FLNB: variants seen among roughly 807,000 people sequenced by gnomAD.
FLNB encodes filamin-B.
Under a neutral mutation model 250.6 loss-of-function variants are expected in FLNB, and 111 were observed. The ratio of observed to expected loss-of-function variants is 0.44; its 90% CI spans 0.38 to 0.52. The LOEUF is 0.52. Among genes scored for constraint, FLNB ranks in the 20% least tolerant of loss-of-function variants. The pLI is 0.00. For synonymous variants in FLNB, 1,302 were observed against 1,372.1 expected (o/e 0.95, Z 1.13); for missense variants, 2,869 against 3,447.8 (o/e 0.83, Z 4.20).
chr3:58,082,784 A>G (rs2097211077), intron 4 of FLNB, among the ~76,000 whole-genome samples: 2 of 152,102 alleles, frequency 1.3e-5, no homozygotes, highest in South Asian at 2.1e-4. Context: ...CAAAAAAAAA[A>G]AACGAGAAAG....
intron 1 of FLNB, among the ~76,000 whole-genome samples, chr3:58,064,191 A>C (rs1245915319): frequency 6.6e-6 from 1 of 152,200 alleles, no homozygotes; most frequent in African/African-American, 2.4e-5. Flanking sequence ...CCTAGGCTGG[A>C]GTGCAGTGGT....
intron 42 of FLNB, chr3:58,162,660 C>A (rs950449403): frequency 9.5e-5 from 17 of 179,258 alleles, no homozygotes; most frequent in African/African-American, 4.0e-4. Context: ...AACTGAACTC[C>A]CCAATGGGTG....
At chr3:58,168,288 G>T in intron 43 of FLNB, 152 bp from the exon 44 acceptor site, 1 of 711,368 alleles carries the variant, frequency 1.4e-6, no homozygotes, top group South Asian at 1.5e-5. Context: ...GGTTCTCTCT[G>T]CCAGAAGTTC....
rs200618652 is a variant in FLNB at position 58,134,698 on chromosome 3, C to T, written c.4597C>T (p.Pro1533Ser). Reference sequence around the variant, plus strand: ...CCCCGGCCTTAGTTCCTATGGTGTGCCTGCCAGTCTACCTGTGGACTTTGC... The same window carrying T: ...CCCCGGCCTTAGTTCCTATGGTGTGTCTGCCAGTCTACCTGTGGACTTTGC... ...SGPGLSSYGVPASLPVDFAID... is the reference protein window; with the variant it reads ...SGPGLSSYGVSASLPVDFAID... The change falls in exon 27 of 46, where the codon CCT becomes TCT. Residue 1533 changes from proline to serine, a missense_variant. By Grantham distance (74) the Pro-to-Ser change is moderately conservative. Transcript: ENST00000295956. The T allele has an allele frequency of 7.4e-6, 12 of 1,614,084 alleles. No homozygotes were observed. Among genetic ancestry groups the T allele is most frequent in the Non-Finnish European group, 6.8e-6 (8 of 1,179,944 alleles).
chr3:58,133,437 GAAAAAAAAAAAA>G (rs55916881), intron 26 of FLNB, among the ~76,000 whole-genome samples: 35 of 67,616 alleles, frequency 5.2e-4, no homozygotes, highest in Non-Finnish European at 1.1e-3. Context: ...GACATCTCTG[GAAAAAAAAAAAA>G]AAAAAAAAAA....
intron 1 of FLNB, among the ~76,000 whole-genome samples, chr3:58,056,111 T>TA (rs1181191992): frequency 5.6e-4 from 74 of 132,840 alleles, no homozygotes; most frequent in African/African-American, 2.3e-3. Context: ...ATTTATTTTT[T>TA]TTTTTTTTGA....
chr3:58,037,391 T>C (rs1324680772), intron 1 of FLNB, among the ~76,000 whole-genome samples: 1 of 152,240 alleles, frequency 6.6e-6, no homozygotes, highest in African/African-American at 2.4e-5. Flanking sequence ...TAGCCTGCAA[T>C]GCAAGTTGTC....
intron 1 of FLNB, among the ~76,000 whole-genome samples, chr3:58,023,373 G>A (rs893058783): frequency 2.0e-5 from 3 of 152,080 alleles, no homozygotes; most frequent in African/African-American, 7.2e-5. Context: ...GTGAGCCCCT[G>A]TGCCCAGCCT....
At chr3:58,107,824 C>T (rs2097262092) in intron 12 of FLNB, among the ~76,000 whole-genome samples, 1 of 152,222 alleles carries the variant, frequency 6.6e-6, no homozygotes. Flanking sequence ...GGGCTGGTAG[C>T]TACCCCGTTT....
Position 58,124,487 on chromosome 3 carries a change from T to A in FLNB, c.3880T>A (p.Tyr1294Asn), listed in dbSNP as rs1484680788. The A allele has an allele frequency of 1.9e-6, 3 of 1,614,228 alleles. No homozygotes were observed. Among genetic ancestry groups the A allele is most frequent in the South Asian group, 1.1e-5 (1 of 91,086 alleles). ...DNADGTYQVEYTPFEKGLHVV... is the reference protein window; with the variant it reads ...DNADGTYQVENTPFEKGLHVV... ...TGCGGATGGGACCTACCAGGTGGAA[T>A]ACACACCCTTTGAGAAAGGTGAGCC... The change falls in exon 22 of 46, where the codon TAC (tyrosine) becomes AAC (asparagine). Residue 1294 changes from tyrosine (Y) to asparagine (N), a missense_variant. By Grantham distance (143) the Tyr-to-Asn change is moderately radical. This residue lies in a region of FLNB where 1,348 missense variants were observed against 1,466.7 expected (regional missense o/e 0.92). Coordinates refer to ENST00000295956, the MANE Select transcript of FLNB (RefSeq NM_001457.4).
intron 4 of FLNB, among the ~76,000 whole-genome samples, chr3:58,083,367 CTTTTTTTTTTTTT>C (rs71091341): frequency 2.2e-5 from 2 of 91,488 alleles, no homozygotes; most frequent in African/African-American, 8.5e-5. Flanking sequence ...TCAGCTTAGT[CTTTTTTTTTTTTT>C]TTTTTTTTGA....
intron 40 of FLNB, among the ~76,000 whole-genome samples, 167 bp downstream of exon 40, chr3:58,155,095 T>TG (rs956625081): frequency 4.1e-4 from 62 of 152,346 alleles, no homozygotes; most frequent in African/African-American, 1.5e-3. Flanking sequence ...CCAGACCTCT[T>TG]AAGGGTGGGA....
At chr3:58,023,326 A>G (rs2106722788) in intron 1 of FLNB, among the ~76,000 whole-genome samples, 1 of 152,010 alleles carries the variant, frequency 6.6e-6, no homozygotes, top group Middle Eastern at 3.4e-3. Context: ...CAAGTGATCC[A>G]CCTACCTGGC....
intron 43 of FLNB, among the ~76,000 whole-genome samples, chr3:58,167,397 T>C (rs556641932): frequency 3.9e-5 from 6 of 152,340 alleles, no homozygotes; most frequent in Non-Finnish European, 5.9e-5. Context: ...AGCTCTTTTG[T>C]TTTTATTGAT....
At chr3:58,096,635 A>C (rs2097239197) in intron 6 of FLNB, among the ~76,000 whole-genome samples, 2 of 152,080 alleles carry the variant, frequency 1.3e-5, no homozygotes, top group South Asian at 4.1e-4. Context: ...CAGCCTCCCA[A>C]GTAGGTGGGA....
intron 1 of FLNB, among the ~76,000 whole-genome samples, chr3:58,060,662 AATT>A (rs2106879485): frequency 6.6e-6 from 1 of 150,476 alleles, no homozygotes; most frequent in East Asian, 2.0e-4. Flanking sequence ...TGACCCAAAA[AATT>A]AGCTGGGCGT....
At chr3:58,115,010 C>T (rs554901077) in intron 18 of FLNB, among the ~76,000 whole-genome samples, 8 of 152,204 alleles carry the variant, frequency 5.3e-5, no homozygotes, top group South Asian at 4.2e-4. Flanking sequence ...CTTTTCACGC[C>T]GTTAACAGTT....
At chr3:58,026,131 C>G (rs1376431025) in intron 1 of FLNB, among the ~76,000 whole-genome samples, 1 of 152,228 alleles carries the variant, frequency 6.6e-6, no homozygotes, top group Non-Finnish European at 1.5e-5. Flanking sequence ...ACGTTAATGC[C>G]ATGGGCTACC....
chr3:58,149,381 G>A lies in FLNB; in HGVS notation c.6092-469G>A, dbSNP rs1044976771. ...GTGAATTCTAGACAAATTCTAACCC[G>A]GGGAGAGGGCTGGAGAATTTCTGGT... is the stretch of plus-strand genomic sequence containing the variant. On this transcript the variant is annotated intron_variant, in intron 36 of 45. Transcript: ENST00000295956. The A allele has an allele frequency of 5.1e-5, 13 of 253,440 alleles. 1 individual carries two copies. Among genetic ancestry groups the A allele is most frequent in the Admixed American group, 4.6e-4 (9 of 19,476 alleles). 15.7% of individuals were successfully genotyped at this position (253,440 alleles called of 1,614,324 possible). A position where few individuals can be genotyped will look rare whatever the true frequency, so the allele number is the denominator to read the frequency against.
Sources: allele counts gnomAD v4.1 joint callset (sites outside exome capture counted in the v4.1 genomes callset), GRCh38; gene constraint gnomAD v4.1.1; regional missense constraint gnomAD v4.1.1; transcripts MANE v1.5; gene names NCBI Gene and HGNC (gene_info 2026-07-23, HGNC 2026-07-21).